SGCZ: variants seen among roughly 807,000 people sequenced by gnomAD.
SGCZ encodes the protein sarcoglycan zeta.
In SGCZ, 40 loss-of-function variants were observed where a neutral mutation model predicts 41.3. The ratio of observed to expected loss-of-function variants is 0.97; its 90% CI spans 0.75 to 1.26. The LOEUF is 1.26. SGCZ is among the 50% of genes most tolerant of loss of function. The pLI is 0.00. For missense variants in SGCZ, 552 were observed against 369.8 expected, an observed-to-expected ratio of 1.49 and a Z score of -4.04; for synonymous variants, 206 against 137.5, an observed-to-expected ratio of 1.50 and a Z score of -3.49.
At chr8:14,451,689 A>C (rs1800597305) in intron 2 of SGCZ, among the ~76,000 whole-genome samples, 1 of 152,230 alleles carries the variant, frequency 6.6e-6, no homozygotes. Context: ...AAAAGGTCTT[A>C]ATACACATTG....
intron 2 of SGCZ, among the ~76,000 whole-genome samples, chr8:14,429,354 C>G (rs1176820723): frequency 6.6e-6 from 1 of 152,090 alleles, no homozygotes; most frequent in Non-Finnish European, 1.5e-5. Flanking sequence ...AAAGCCTGGG[C>G]TATCAGCAGA....
At chr8:14,442,980 A>G (rs1478562642) in intron 2 of SGCZ, among the ~76,000 whole-genome samples, 1 of 152,088 alleles carries the variant, frequency 6.6e-6, no homozygotes, top group Non-Finnish European at 1.5e-5. Context: ...TACAAAATCA[A>G]TGTACAAAAA....
At position 14,714,444 on chromosome 8, in the gene SGCZ, C is replaced by T. The variant is rs572230218; in HGVS notation, c.40-159518G>A. On this transcript the variant is annotated intron_variant, in intron 1 of 7. Coordinates refer to ENST00000382080, the MANE Select transcript of SGCZ (RefSeq NM_139167.4). ...TTTATTCTCACACAACTTTAACTGG[C>T]ATTTAAAAACTTACATGAATTTCCG... is the stretch of plus-strand genomic sequence containing the variant. Among the ~76,000 whole-genome samples the T allele has an allele frequency of 1.1e-4, 17 of 152,274 alleles. No individual in the cohort carries two copies. The South Asian group carries it at 3.3e-3, about 30-fold the overall frequency.
At chr8:14,283,006 C>T (rs535848477) in intron 3 of SGCZ, among the ~76,000 whole-genome samples, 5 of 150,688 alleles carry the variant, frequency 3.3e-5, no homozygotes, top group East Asian at 2.0e-4. Flanking sequence ...CCCGCCACCA[C>T]GCCCGGCTAA....
intron 3 of SGCZ, among the ~76,000 whole-genome samples, chr8:14,264,526 G>A (rs1365945981): frequency 6.6e-6 from 1 of 152,152 alleles, no homozygotes; most frequent in Non-Finnish European, 1.5e-5. Context: ...ATCTAGTGCT[G>A]AACATGGGGC....
At chr8:14,708,523 T>G (rs1314187782) in intron 1 of SGCZ, among the ~76,000 whole-genome samples, 1 of 152,042 alleles carries the variant, frequency 6.6e-6, no homozygotes, top group Non-Finnish European at 1.5e-5. Flanking sequence ...CATTTATTGC[T>G]GATTCTTCTG....
chr8:14,947,290 C>T (rs1192847319), intron 1 of SGCZ, among the ~76,000 whole-genome samples: 1 of 152,152 alleles, frequency 6.6e-6, no homozygotes. Context: ...TGAGGTAAAT[C>T]TCTGGATTTG....
At chr8:14,264,101 C>A (rs1309122817) in intron 3 of SGCZ, among the ~76,000 whole-genome samples, 1 of 152,164 alleles carries the variant, frequency 6.6e-6, no homozygotes, top group East Asian at 1.9e-4. Context: ...TTTACAGCAG[C>A]CTCAGACCAC....
chr8:14,197,579 T>C (rs1195740092), intron 4 of SGCZ, among the ~76,000 whole-genome samples: 1 of 152,076 alleles, frequency 6.6e-6, no homozygotes, highest in African/African-American at 2.4e-5. Context: ...TCTTAGTACC[T>C]AGAGAAAAAG....
intron 1 of SGCZ, among the ~76,000 whole-genome samples, chr8:14,974,701 C>A (rs1241141002): frequency 6.6e-6 from 1 of 152,130 alleles, no homozygotes; most frequent in East Asian, 1.9e-4. Flanking sequence ...ACTCTTCGTG[C>A]ATGATTTCAT....
chr8:14,459,549 G>T (rs1800843278), intron 2 of SGCZ, among the ~76,000 whole-genome samples: 1 of 152,118 alleles, frequency 6.6e-6, no homozygotes, highest in Non-Finnish European at 1.5e-5. Flanking sequence ...TGAGTAAACA[G>T]AAGTTTGAGG....
intron 2 of SGCZ, among the ~76,000 whole-genome samples, chr8:14,375,224 A>G (rs943084694): frequency 1.3e-5 from 2 of 152,348 alleles, no homozygotes; most frequent in South Asian, 2.1e-4. Flanking sequence ...ACAATTCACA[A>G]TGGAGATATA....
chr8:15,016,052 T>C (rs969908022), intron 1 of SGCZ, among the ~76,000 whole-genome samples: 1 of 152,106 alleles, frequency 6.6e-6, no homozygotes, highest in Non-Finnish European at 1.5e-5. Context: ...CTAATTTAAC[T>C]CCCCTCCATT....
At chr8:14,679,184 T>C (rs1025012852) in intron 1 of SGCZ, among the ~76,000 whole-genome samples, 2 of 152,154 alleles carry the variant, frequency 1.3e-5, no homozygotes, top group African/African-American at 4.8e-5. Context: ...CAATACATAA[T>C]ACTTGATAAT....
At chr8:14,507,515 A>T (rs1373665878) in intron 2 of SGCZ, among the ~76,000 whole-genome samples, 1 of 152,238 alleles carries the variant, frequency 6.6e-6, no homozygotes, top group Admixed American at 6.5e-5. Context: ...AATCCTACAG[A>T]GTCCCCACAT....
In SGCZ at chr8:14,561,830, T is replaced by A. The variant is rs146392029; in HGVS notation, c.40-6904A>T. On this transcript the variant is annotated intron_variant, in intron 1 of 7. Transcript: ENST00000382080. ...GCAGTATTTTATCTAATAATGTAAA[T>A]AACATTTCTGGCAAGATGTTATAAG... 3.5e-3 allele frequency among the ~76,000 whole-genome samples: 532 copies of A among 152,280 alleles called. 3 individuals are homozygous for A. The highest frequency in any genetic ancestry group is 0.012 in the African/African-American group (494 of 41,576).
In SGCZ at chr8:15,238,048, A is replaced by T. The variant is rs1802198602; in HGVS notation, c.-425T>A. 1 of 164,704 alleles carries T rather than the reference A, an allele frequency of 6.1e-6. No homozygotes were observed. The highest frequency in any genetic ancestry group is 5.8e-5 in the Admixed American group (1 of 17,196). The allele number at this position is 164,704 out of a possible 1,614,324, so 10.2% of individuals were successfully genotyped here. A position where few individuals can be genotyped will look rare whatever the true frequency, so the allele number is the denominator to read the frequency against. Reference sequence around the variant, plus strand: ...CGGCAAATTTCAAGCAAATGTGTTCAAACTGAAGAGAAGAGTGTATGATAA... The same window carrying T: ...CGGCAAATTTCAAGCAAATGTGTTCTAACTGAAGAGAAGAGTGTATGATAA... On this transcript the variant is annotated 5_prime_UTR_variant, in exon 1 of 8. It removes the in-frame stop codon of an upstream open reading frame in the 5' UTR. Coordinates refer to ENST00000382080, the MANE Select transcript of SGCZ (RefSeq NM_139167.4).
intron 2 of SGCZ, among the ~76,000 whole-genome samples, chr8:14,545,543 A>C (rs1002165586): frequency 1.3e-5 from 2 of 152,094 alleles, no homozygotes; most frequent in Non-Finnish European, 2.9e-5. Context: ...AAGATATACT[A>C]TATGCTATTA....
intron 1 of SGCZ, among the ~76,000 whole-genome samples, chr8:14,664,820 A>G (rs993876411): frequency 2.0e-5 from 3 of 152,198 alleles, no homozygotes; most frequent in Admixed American, 2.0e-4. Context: ...AAACATGTTC[A>G]AAGAAAATAG....
Sources: gnomAD v4.1 joint callset for allele counts (sites outside exome capture counted in the v4.1 genomes callset) on GRCh38, gnomAD v4.1.1 for gene constraint, MANE v1.5 for transcripts, NCBI Gene and HGNC (gene_info 2026-07-23, HGNC 2026-07-21) for gene names.